Variants in DLGAP2 observed in about 807,000 individuals in gnomAD.
The protein encoded by DLGAP2 is disks large-associated protein 2.
In DLGAP2, 26 loss-of-function variants were observed where a neutral mutation model predicts 100.3. The observed-to-expected ratio is 0.26, with a 90% confidence interval of 0.19 to 0.36. DLGAP2 has a LOEUF of 0.36. Ranked by LOEUF, DLGAP2 falls within the 10% of genes least tolerant of loss-of-function variation. The probability of loss-of-function intolerance (pLI) is 1.00; values close to 1 mark genes in which losing one functional copy is unlikely to be tolerated. For missense variants in DLGAP2, 1,858 were observed against 1,453.2 expected (o/e 1.28, Z -4.53); for synonymous variants, 886 against 630.1 (o/e 1.41, Z -6.08).
At chr8:980,649 A>T (rs1489250504) in intron 2 of DLGAP2, among the ~76,000 whole-genome samples, 1 of 152,182 alleles carries the variant, frequency 6.6e-6, no homozygotes, top group Non-Finnish European at 1.5e-5. Context: ...AGGTAAGAGG[A>T]GGAGTCAGTT....
At chr8:1,239,783 CAT>C (rs1798743506) in intron 2 of DLGAP2, among the ~76,000 whole-genome samples, 5 of 59,282 alleles carry the variant, frequency 8.4e-5, no homozygotes, top group African/African-American at 3.2e-4. Context: ...AGTTCTCTCA[CAT>C]GGCGCCGTGT....
intron 2 of DLGAP2, among the ~76,000 whole-genome samples, chr8:1,004,537 C>A (rs1801050923): frequency 6.6e-6 from 1 of 152,222 alleles, no homozygotes; most frequent in African/African-American, 2.4e-5. Flanking sequence ...CATCTGGAAT[C>A]TCCCTTTGGC....
rs576988988 is a variant in DLGAP2, at chr8:1,431,700, C to A, written c.107-69666C>A. On this transcript the variant is annotated intron_variant, in intron 3 of 14. Transcript: ENST00000637795. ...TCAGTCCGACTGCGGAGTGGAGGCA[C>A]TGGCTCCCGGGCTTACTCTCCTGGG... 2.4e-4 allele frequency among the ~76,000 whole-genome samples: 36 copies of A among 152,356 alleles called. 1 individual carries two copies. In the South Asian group the frequency reaches 7.1e-3, roughly 30 times the overall value.
chr8:761,858 A>G (rs979799117), intron 1 of DLGAP2, among the ~76,000 whole-genome samples: 19 of 152,318 alleles, frequency 1.2e-4, no homozygotes, highest in Admixed American at 8.5e-4. Context: ...CCTGCGGAGG[A>G]GGCCCTGGAG....
chr8:1,328,887 T>C (rs546713392), intron 3 of DLGAP2, among the ~76,000 whole-genome samples: 1 of 152,282 alleles, frequency 6.6e-6, no homozygotes, highest in East Asian at 1.9e-4. Context: ...AGAAATGTGG[T>C]AGAAGCTTTC....
intron 2 of DLGAP2, among the ~76,000 whole-genome samples, chr8:1,205,845 T>C (rs898158298): frequency 6.6e-6 from 1 of 152,152 alleles, no homozygotes; most frequent in African/African-American, 2.4e-5. Flanking sequence ...CTGGAGTAGA[T>C]ATTTTTCCCT....
rs961876173 is a variant in DLGAP2, at chr8:1,200,516, A to G, written c.74-58335A>G. On this transcript the variant is annotated intron_variant, in intron 2 of 14. Transcript: ENST00000637795. ...GCTCCTCGGGGGCTGAAGGGCCTGG[A>G]TGCTGATTGTTCTCTGGTCTGACCC... 4.6e-5 allele frequency among the ~76,000 whole-genome samples: 7 copies of G among 152,126 alleles called. No individual in the cohort carries two copies. The South Asian group carries it at 1.0e-3, about 23-fold the overall frequency.
At chr8:860,784 C>T (rs1797373971) in intron 1 of DLGAP2, among the ~76,000 whole-genome samples, 1 of 152,184 alleles carries the variant, frequency 6.6e-6, no homozygotes, top group Non-Finnish European at 1.5e-5. Context: ...GTAGCGTGTG[C>T]ACCCTGTGTG....
chr8:1,681,872 C>T (rs529757927), intron 12 of DLGAP2, among the ~76,000 whole-genome samples: 36 of 149,996 alleles, frequency 2.4e-4, no homozygotes, highest in Admixed American at 1.5e-3. Flanking sequence ...GGCCCTCTGA[C>T]GTTGAAGGCT....
At chr8:1,117,961 C>T (rs1202086231) in intron 2 of DLGAP2, among the ~76,000 whole-genome samples, 2 of 152,014 alleles carry the variant, frequency 1.3e-5, no homozygotes, top group East Asian at 1.9e-4. Context: ...TGAGTAGATA[C>T]CGTTTTCCAG....
At chr8:917,576 C>G (rs1798621334) in intron 2 of DLGAP2, among the ~76,000 whole-genome samples, 1 of 151,884 alleles carries the variant, frequency 6.6e-6, no homozygotes. Flanking sequence ...GACAGCGTCT[C>G]CAGAATATTC....
intron 3 of DLGAP2, among the ~76,000 whole-genome samples, chr8:1,453,911 G>A (rs185926088): frequency 7.9e-5 from 12 of 152,310 alleles, no homozygotes; most frequent in African/African-American, 2.4e-4. Flanking sequence ...TTTGTCTTTG[G>A]GGTTTTGCAT....
Position 1,682,612 on chromosome 8 carries a change from C to G in DLGAP2, c.2704+3983C>G, listed in dbSNP as rs142392130. On this transcript the variant is annotated intron_variant, in intron 12 of 14. Coordinates refer to ENST00000637795, the MANE Select transcript of DLGAP2 (RefSeq NM_001346810.2). ...GCCTCAGCCTCCCAAGTAGCTGGGACTACAGACACGCACCACAGCACCTGG... is the reference window on the plus strand; with the variant it reads ...GCCTCAGCCTCCCAAGTAGCTGGGAGTACAGACACGCACCACAGCACCTGG... Among the ~76,000 whole-genome samples, 187 of 147,144 alleles carry G rather than the reference C, an allele frequency of 1.3e-3. 4 individuals are homozygous for G. Among genetic ancestry groups the G allele is most frequent in the Non-Finnish European group, 2.1e-3 (135 of 64,556 alleles).
intron 4 of DLGAP2, 106 bp from the exon 5 acceptor site, chr8:1,548,520 C>A (rs1052695111): frequency 6.1e-6 from 5 of 825,132 alleles, no homozygotes; most frequent in African/African-American, 1.9e-5. Context: ...CCAGGCCAGA[C>A]ATGGACACTG....
chr8:1,165,174 G>C (rs1796990036), intron 2 of DLGAP2, among the ~76,000 whole-genome samples: 1 of 148,394 alleles, frequency 6.7e-6, no homozygotes, highest in Non-Finnish European at 1.5e-5. Context: ...GACAGAGAGA[G>C]AGGGAGGGTG....
intron 2 of DLGAP2, among the ~76,000 whole-genome samples, chr8:971,495 C>T (rs956651044): frequency 5.3e-5 from 8 of 152,206 alleles, no homozygotes; most frequent in Non-Finnish European, 8.8e-5. Flanking sequence ...GAAGCAGCCC[C>T]AGCTGGAGTC....
intron 2 of DLGAP2, among the ~76,000 whole-genome samples, chr8:1,022,185 C>T (rs190622012): frequency 1.1e-4 from 17 of 151,618 alleles, no homozygotes; most frequent in Admixed American, 3.9e-4. Context: ...CTGAGGTAGA[C>T]ACTCCAAACA....
intron 1 of DLGAP2, among the ~76,000 whole-genome samples, chr8:821,911 A>G (rs1450563872): frequency 6.6e-6 from 1 of 152,228 alleles, no homozygotes; most frequent in East Asian, 1.9e-4. Flanking sequence ...GTCTACAAAC[A>G]GTTGGTGGTG....
At position 1,413,242 on chromosome 8, in the gene DLGAP2, A is replaced by T. The variant is rs182932582; in HGVS notation, c.107-88124A>T. 2.8e-3 allele frequency among the ~76,000 whole-genome samples: 422 copies of T among 152,264 alleles called. 1 individual carries two copies. The highest frequency in any genetic ancestry group is 7.2e-3 in the Admixed American group (110 of 15,296). On this transcript the variant is annotated intron_variant, in intron 3 of 14. Coordinates refer to ENST00000637795, the MANE Select transcript of DLGAP2 (RefSeq NM_001346810.2). ...CACCTTTATTATTAGCTATTTATTT[A>T]TAGTATTTTTAAAGTAAATAAAGGA... is the stretch of plus-strand genomic sequence containing the variant.
Sources: allele counts gnomAD v4.1 joint callset (sites outside exome capture counted in the v4.1 genomes callset), GRCh38; gene constraint gnomAD v4.1.1; transcripts MANE v1.5; gene names NCBI Gene and HGNC (gene_info 2026-07-23, HGNC 2026-07-21).